HEATR5B: variants seen among roughly 807,000 people sequenced by gnomAD.
The protein encoded by HEATR5B is HEAT repeat-containing protein 5B.
HEATR5B carries 156 observed loss-of-function variants against 224.1 expected under a neutral mutation model. That is an observed-to-expected ratio of 0.70 (90% CI 0.61 to 0.80). The LOEUF (loss-of-function observed/expected upper bound fraction) is 0.80. Ranked by LOEUF, HEATR5B falls within the 30% of genes least tolerant of loss-of-function variation. The pLI, the probability that HEATR5B is intolerant of heterozygous loss-of-function variation, is 0.00. For synonymous variants in HEATR5B, 1,027 were observed against 893.0 expected (o/e 1.15, Z -2.68); for missense variants, 2,323 against 2,535.5 (o/e 0.92, Z 1.80).
At chr2:36,982,584 G>A (rs1665655148) in intron 35 of HEATR5B, among the ~76,000 whole-genome samples, 1 of 152,018 alleles carries the variant, frequency 6.6e-6, no homozygotes, top group African/African-American at 2.4e-5. Context: ...AATGACAACT[G>A]ACGCAATTGT....
At chr2:37,068,492 C>T (rs750142674) in intron 8 of HEATR5B, among the ~76,000 whole-genome samples, 189 bp downstream of exon 8, 3 of 152,062 alleles carry the variant, frequency 2.0e-5, no homozygotes, top group Admixed American at 6.6e-5. Flanking sequence ...CAACATACCA[C>T]CCAAATCTTT....
At position 37,000,644 on chromosome 2, in the gene HEATR5B, T is replaced by G. The variant is rs1473202358; in HGVS notation, c.5487A>C (p.Lys1829Asn). 6.2e-7 allele frequency: 1 copy of G among 1,614,176 alleles called. No individual in the cohort carries two copies. Residue 1829 changes from lysine (K) to asparagine (N), a missense_variant, in exon 33 of 36, where the codon AAA (lysine) becomes AAC (asparagine). Around this residue, in one of 12 missense-constraint regions of HEATR5B, gnomAD observed 844 missense variants for 812.9 expected, o/e 1.04. Coordinates refer to ENST00000233099, the MANE Select transcript of HEATR5B (RefSeq NM_019024.3). Reference sequence around the variant, plus strand: ...TGCTACGAATCAGAGCTGTCCACTGTTTTTGAACGCCAGCCTCAGTTTTGG... The same window carrying G: ...TGCTACGAATCAGAGCTGTCCACTGGTTTTGAACGCCAGCCTCAGTTTTGG... ...SMAKTEAGVQ[K>N]QWTALIRSTL...
chr2:37,070,716 G>T (rs1392374737), intron 6 of HEATR5B, among the ~76,000 whole-genome samples: 1 of 152,114 alleles, frequency 6.6e-6, no homozygotes, highest in Non-Finnish European at 1.5e-5. Flanking sequence ...TCTCATTCCC[G>T]CCTGAGGTGG....
intron 35 of HEATR5B, among the ~76,000 whole-genome samples, chr2:36,984,588 GA>G (rs1367851312): frequency 1.3e-5 from 2 of 151,538 alleles, no homozygotes; most frequent in Non-Finnish European, 2.9e-5. Flanking sequence ...ATTTGTATAA[GA>G]AAAAAATAAG....
At chr2:37,022,652 CTT>C (rs1314010811) in intron 24 of HEATR5B, among the ~76,000 whole-genome samples, 1 of 152,166 alleles carries the variant, frequency 6.6e-6, no homozygotes, top group Non-Finnish European at 1.5e-5. Context: ...TAGAAAAACT[CTT>C]GTCAGGAAAC....
At chr2:37,071,592 G>A (rs1671910148) in intron 6 of HEATR5B, among the ~76,000 whole-genome samples, 1 of 151,770 alleles carries the variant, frequency 6.6e-6, no homozygotes, top group Admixed American at 6.6e-5. Context: ...AATCTTATGT[G>A]CTTATATGTC....
intron 35 of HEATR5B, among the ~76,000 whole-genome samples, chr2:36,987,160 G>A (rs1481976882): frequency 1.3e-5 from 2 of 152,116 alleles, no homozygotes; most frequent in East Asian, 1.9e-4. Flanking sequence ...CAGGTGCAGC[G>A]GCTCACGCTT....
chr2:36,985,480 CAG>C (rs1336360874), intron 35 of HEATR5B, among the ~76,000 whole-genome samples: 1 of 128,748 alleles, frequency 7.8e-6, no homozygotes, highest in Admixed American at 8.7e-5. Context: ...TTTTTTGAGA[CAG>C]AGTCTCACTC....
At chr2:37,034,339 C>T (rs1204515501) in intron 21 of HEATR5B, among the ~76,000 whole-genome samples, 4 of 139,356 alleles carry the variant, frequency 2.9e-5, no homozygotes, top group African/African-American at 7.7e-5. Flanking sequence ...GCCGGCCGGG[C>T]GCGGTGGCTC....
chr2:37,019,658 T>G (rs1042503560), intron 26 of HEATR5B, 151 bp downstream of exon 26: 2 of 576,932 alleles, frequency 3.5e-6, no homozygotes, highest in East Asian at 3.0e-5. Flanking sequence ...GGTTTCCCCA[T>G]GTTGGCCAGG....
At chr2:37,015,848 T>C (rs921073955) in intron 26 of HEATR5B, among the ~76,000 whole-genome samples, 1 of 151,940 alleles carries the variant, frequency 6.6e-6, no homozygotes, top group African/African-American at 2.4e-5. Flanking sequence ...CACACAAAGG[T>C]GATAACTAAA....
In HEATR5B at chr2:37,027,183, T is replaced by C. The variant is rs191645962; in HGVS notation, c.3853+740A>G. On this transcript the variant is annotated intron_variant, in intron 24 of 35. Transcript: ENST00000233099. ...TAACCCAAAAGGCATTTTCAATTCA[T>C]AGACGTCAATATTGTTAACACATAC... is the stretch of plus-strand genomic sequence containing the variant. Among the ~76,000 whole-genome samples, 462 of 152,302 alleles carry C rather than the reference T, an allele frequency of 3.0e-3. 13 individuals carry two copies. Among genetic ancestry groups the C allele is most frequent in the Admixed American group, 0.026 (394 of 15,300 alleles).
intron 32 of HEATR5B, among the ~76,000 whole-genome samples, chr2:37,001,937 G>C (rs1480532517): frequency 6.6e-6 from 1 of 152,214 alleles, no homozygotes; most frequent in Middle Eastern, 3.2e-3. Flanking sequence ...AAAGTGCTGG[G>C]ATTATAGGCA....
In HEATR5B at chr2:37,020,855, T is replaced by C; in HGVS notation, c.3854-19A>G. 2 of 1,411,828 alleles carry C rather than the reference T, an allele frequency of 1.4e-6. No homozygotes were observed. The highest frequency in any genetic ancestry group is 1.9e-6 in the Non-Finnish European group (2 of 1,062,902). 87.5% of individuals were successfully genotyped at this position (1,411,828 alleles called of 1,614,324 possible). A position where few individuals can be genotyped will look rare whatever the true frequency, so the allele number is the denominator to read the frequency against. The stretch of plus-strand genomic sequence containing the variant: ...AGGTCATCTAAAAATAAAAATAGAA[T>C]GCAAAAATGAAAACTTTTCCAAAAA... On this transcript the variant is annotated intron_variant, in intron 24 of 35. Coordinates refer to ENST00000233099, the MANE Select transcript of HEATR5B (RefSeq NM_019024.3).
intron 5 of HEATR5B, among the ~76,000 whole-genome samples, chr2:37,074,255 G>A (rs566306069): frequency 1.6e-4 from 24 of 151,218 alleles, no homozygotes; most frequent in Admixed American, 8.6e-4. Flanking sequence ...CCCGGGAGGC[G>A]GAGTTTGCAG....
At chr2:37,067,589 T>G (rs1200404021) in intron 8 of HEATR5B, among the ~76,000 whole-genome samples, 2 of 152,110 alleles carry the variant, frequency 1.3e-5, no homozygotes, top group Non-Finnish European at 2.9e-5. Context: ...GCCAATGTGG[T>G]GAAACCCTGT....
At chr2:37,011,210 G>A (rs937879133) in intron 27 of HEATR5B, among the ~76,000 whole-genome samples, 10 of 152,150 alleles carry the variant, frequency 6.6e-5, no homozygotes, top group Admixed American at 6.6e-5. Context: ...AGGTGAGACC[G>A]TTTTTAAGGA....
chr2:37,046,005 TA>T lies in HEATR5B; in HGVS notation c.2696+3647del, dbSNP rs551579747. 6.0e-3 allele frequency among the ~76,000 whole-genome samples: 916 copies of T among 152,352 alleles called. 6 individuals carry two copies. Among genetic ancestry groups the T allele is most frequent in the African/African-American group, 0.021 (877 of 41,584 alleles). On this transcript the variant is annotated intron_variant, in intron 18 of 35. Transcript: ENST00000233099. ...GCAGTTAAAGTCCTGTACATTCTTT[TA>T]ATGTTTATCTGAAAGAATAAGATTT...
chr2:37,058,503 G>C lies in HEATR5B; in HGVS notation c.2007C>G (p.Val669=), dbSNP rs571822267. 13 of 1,613,246 alleles carry C rather than the reference G, an allele frequency of 8.1e-6. No individual in the cohort carries two copies. Among genetic ancestry groups the C allele is most frequent in the African/African-American group, 1.3e-5 (1 of 74,894 alleles). The change falls in exon 14 of 36, where the codon GTC becomes GTG. Residue 669 remains valine, a synonymous_variant. Transcript: ENST00000233099. ...CCAAGATATCATAAAGTCTTAAACG[G>C]ACCATTGCAGCACTAGCTTTCAGAT... is the stretch of plus-strand genomic sequence containing the variant. ...GAHLKASAAM[V]RLRLYDILAL...
Sources: allele counts gnomAD v4.1 joint callset (sites outside exome capture counted in the v4.1 genomes callset), GRCh38; gene constraint gnomAD v4.1.1; regional missense constraint gnomAD v4.1.1; transcripts MANE v1.5; gene names NCBI Gene and HGNC (gene_info 2026-07-23, HGNC 2026-07-21).